PIK3C3: variants seen among roughly 807,000 people sequenced by gnomAD.
PIK3C3 encodes the protein PI3-kinase type 3.
In PIK3C3, 95 loss-of-function variants were observed where a neutral mutation model predicts 126.1. The observed-to-expected ratio is 0.75, with a 90% confidence interval of 0.64 to 0.89. PIK3C3 has a LOEUF of 0.89. Ranked by LOEUF, PIK3C3 falls within the 40% of genes least tolerant of loss-of-function variation. The pLI is 0.00. For missense variants in PIK3C3, 829 were observed against 1,063.2 expected, an observed-to-expected ratio of 0.78 and a Z score of 3.06; for synonymous variants, 374 against 360.0, an observed-to-expected ratio of 1.04 and a Z score of -0.44.
At chr18:41,958,297 A>G (rs1005892751) in intron 2 of PIK3C3, among the ~76,000 whole-genome samples, 2 of 152,114 alleles carry the variant, frequency 1.3e-5, no homozygotes, top group African/African-American at 4.8e-5. Context: ...TTTTTTTCAG[A>G]AGAGTATTGT....
chr18:41,966,177 CTTTTTTTTTTTT>C (rs10539758), intron 3 of PIK3C3, among the ~76,000 whole-genome samples: 2 of 112,574 alleles, frequency 1.8e-5, no homozygotes, highest in Admixed American at 9.4e-5. Context: ...TATATTGTTC[CTTTTTTTTTTTT>C]TTTTTTTTTT....
At chr18:42,061,479 G>A (rs370426004) in intron 22 of PIK3C3, among the ~76,000 whole-genome samples, 1 of 152,118 alleles carries the variant, frequency 6.6e-6, no homozygotes, top group East Asian at 1.9e-4. Context: ...TTACTTGGGG[G>A]GCTGAGGCAA....
intron 21 of PIK3C3, among the ~76,000 whole-genome samples, chr18:42,054,206 T>G (rs1180854814): frequency 8.5e-6 from 1 of 117,606 alleles, no homozygotes; most frequent in Admixed American, 9.5e-5. Context: ...GGGAATTTAT[T>G]AAGTATTAAC....
At chr18:42,022,802 C>G (rs975019530) in intron 13 of PIK3C3, among the ~76,000 whole-genome samples, 3 of 152,064 alleles carry the variant, frequency 2.0e-5, no homozygotes, top group Non-Finnish European at 4.4e-5. Context: ...AATTGTTAAT[C>G]ACTATTCTTT....
intron 9 of PIK3C3, among the ~76,000 whole-genome samples, chr18:42,000,360 A>T (rs1053212459): frequency 1.3e-5 from 2 of 152,156 alleles, no homozygotes; most frequent in African/African-American, 4.8e-5. Flanking sequence ...CTAACAAGTG[A>T]TATTTTAAGG....
At chr18:41,970,125 G>A (rs539789770) in intron 3 of PIK3C3, among the ~76,000 whole-genome samples, 3 of 152,234 alleles carry the variant, frequency 2.0e-5, no homozygotes, top group African/African-American at 7.2e-5. Context: ...GCTTGGAGGA[G>A]AAAAGAATGG....
chr18:42,042,884 C>G (rs1032260695), intron 19 of PIK3C3, among the ~76,000 whole-genome samples: 2 of 152,144 alleles, frequency 1.3e-5, no homozygotes, highest in Admixed American at 6.5e-5. Flanking sequence ...GTTTGCATTT[C>G]CCTGATTATC....
intron 12 of PIK3C3, among the ~76,000 whole-genome samples, chr18:42,018,800 CA>C (rs1363391474): frequency 2.0e-5 from 3 of 152,066 alleles, no homozygotes; most frequent in African/African-American, 7.2e-5. Context: ...GTTCCCCTGG[CA>C]AAAATCTCAA....
intron 22 of PIK3C3, among the ~76,000 whole-genome samples, chr18:42,062,634 A>G (rs1386601262): frequency 6.6e-6 from 1 of 151,776 alleles, no homozygotes; most frequent in Non-Finnish European, 1.5e-5. Flanking sequence ...CACTCCCCTT[A>G]CCATTTTCAT....
chr18:42,042,074 T>C (rs924296221), intron 19 of PIK3C3, among the ~76,000 whole-genome samples: 8 of 152,196 alleles, frequency 5.3e-5, no homozygotes, highest in African/African-American at 1.9e-4. Flanking sequence ...TCAAATAATA[T>C]GCTTTATACT....
chr18:41,958,156 G>A (rs146932494), intron 2 of PIK3C3, among the ~76,000 whole-genome samples: 3 of 152,170 alleles, frequency 2.0e-5, no homozygotes, highest in African/African-American at 4.8e-5. Flanking sequence ...TATTGCCATC[G>A]GTTCAGATAA....
chr18:42,000,699 T>C (rs1982244471), intron 9 of PIK3C3, among the ~76,000 whole-genome samples: 1 of 152,130 alleles, frequency 6.6e-6, no homozygotes, highest in South Asian at 2.1e-4. Context: ...ACAATCATGA[T>C]GGAAGGCAAG....
At chr18:41,995,740 T>G (rs1023422735) in intron 7 of PIK3C3, 150 bp from the exon 8 acceptor site, 2 of 620,622 alleles carry the variant, frequency 3.2e-6, no homozygotes, top group Admixed American at 5.8e-5. Context: ...GATACATATT[T>G]TTAAGATATG....
At chr18:41,956,867 G>C (rs528417851) in intron 1 of PIK3C3, among the ~76,000 whole-genome samples, 58 of 152,198 alleles carry the variant, frequency 3.8e-4, no homozygotes, top group African/African-American at 1.3e-3. Flanking sequence ...TGAGAATATG[G>C]TGAAAATTAT....
chr18:41,996,344 G>A (rs1053567722), intron 8 of PIK3C3, among the ~76,000 whole-genome samples: 7 of 152,042 alleles, frequency 4.6e-5, no homozygotes, highest in Admixed American at 1.3e-4. Context: ...CCTTTTTCTG[G>A]TAGAAGACGT....
rs543422658 is a variant in PIK3C3 at position 42,081,181 on chromosome 18, C to G, written c.*44C>G. ...AAGATGCTTGGCTCAATAAGAAAAC[C>G]ACGTTAGGAGCAACCTTTGTATATT... On this transcript the variant is annotated 3_prime_UTR_variant, in exon 25 of 25. Transcript: ENST00000262039. 19 of 1,458,846 alleles carry G rather than the reference C, an allele frequency of 1.3e-5. No individual in the cohort carries two copies. Among genetic ancestry groups the G allele is most frequent in the Non-Finnish European group, 1.7e-5 (18 of 1,047,892 alleles). 90.4% of individuals were successfully genotyped at this position (1,458,846 alleles called of 1,614,324 possible).
intron 13 of PIK3C3, among the ~76,000 whole-genome samples, chr18:42,023,706 T>C (rs1299833720): frequency 3.3e-5 from 5 of 152,222 alleles, no homozygotes; most frequent in Non-Finnish European, 5.9e-5. Flanking sequence ...TTCAAATAGT[T>C]GGTTTAAAAT....
intron 24 of PIK3C3, among the ~76,000 whole-genome samples, chr18:42,078,105 C>T (rs12966100): frequency 0.086 from 13,147 of 152,072 alleles, 650 homozygotes; most frequent in Non-Finnish European, 0.11. Context: ...CGGCCGGGCG[C>T]GGTGGCTCAC....
intron 15 of PIK3C3, among the ~76,000 whole-genome samples, chr18:42,032,426 A>AT (rs1032268600): frequency 1.3e-5 from 2 of 152,132 alleles, no homozygotes; most frequent in Non-Finnish European, 2.9e-5. Flanking sequence ...ACTGACTTTG[A>AT]TTTTAGCAGC....
Sources: allele counts gnomAD v4.1 joint callset (sites outside exome capture counted in the v4.1 genomes callset), GRCh38; gene constraint gnomAD v4.1.1; transcripts MANE v1.5; gene names NCBI Gene and HGNC (gene_info 2026-07-23, HGNC 2026-07-21).